The following TOM1L2 variants were observed in gnomAD, a reference collection of about 807,000 sequenced individuals.
TOM1L2 encodes the protein target of myb1 like 2 membrane trafficking protein, also known as TOM1-like protein 2.
Under a neutral mutation model 67.9 loss-of-function variants are expected in TOM1L2, and 31 were observed. That is an observed-to-expected ratio of 0.46 (90% CI 0.34 to 0.62). The LOEUF (loss-of-function observed/expected upper bound fraction) is 0.62. Among genes scored for constraint, TOM1L2 ranks in the 20% least tolerant of loss-of-function variants. TOM1L2 has a pLI of 0.01. For synonymous variants in TOM1L2, 256 were observed against 254.0 expected (o/e 1.01, Z -0.07); for missense variants, 606 against 663.5 (o/e 0.91, Z 0.95).
intron 6 of TOM1L2, among the ~76,000 whole-genome samples, chr17:17,881,127 T>G (rs1307856221): frequency 6.6e-6 from 1 of 152,182 alleles, no homozygotes; most frequent in Non-Finnish European, 1.5e-5. Context: ...GAGACCTCAA[T>G]CAATGGTCTA....
chr17:17,874,062 T>C (rs537631598), intron 7 of TOM1L2, among the ~76,000 whole-genome samples: 1 of 151,910 alleles, frequency 6.6e-6, no homozygotes, highest in Admixed American at 6.5e-5. Context: ...TTCATGACAT[T>C]CTCCTGCCTC....
chr17:17,971,778 T>G (rs765161676), intron 1 of TOM1L2, among the ~76,000 whole-genome samples: 1 of 152,204 alleles, frequency 6.6e-6, no homozygotes, highest in African/African-American at 2.4e-5. Flanking sequence ...GGCTGAGCCT[T>G]GATGGGCAGG....
intron 12 of TOM1L2, among the ~76,000 whole-genome samples, chr17:17,853,062 T>A (rs1019025701): frequency 3.9e-5 from 6 of 152,042 alleles, no homozygotes; most frequent in African/African-American, 1.5e-4. Context: ...GGCAGTAGGG[T>A]ACACTGCTAC....
chr17:17,930,428 G>C (rs562670225), intron 1 of TOM1L2, among the ~76,000 whole-genome samples: 1 of 152,288 alleles, frequency 6.6e-6, no homozygotes, highest in South Asian at 2.1e-4. Flanking sequence ...GAGGACTGCA[G>C]AGACCCTCAC....
At chr17:17,868,320 G>A (rs1350129503) in intron 8 of TOM1L2, among the ~76,000 whole-genome samples, 2 of 152,234 alleles carry the variant, frequency 1.3e-5, no homozygotes, top group African/African-American at 4.8e-5. Flanking sequence ...CAAAAGATGA[G>A]ACAAGGCCCA....
intron 2 of TOM1L2, among the ~76,000 whole-genome samples, chr17:17,899,208 AAG>A (rs1221861538): frequency 6.6e-6 from 1 of 152,184 alleles, no homozygotes; most frequent in African/African-American, 2.4e-5. Flanking sequence ...GGGTACATAG[AAG>A]AGAGTTTTTC....
At chr17:17,885,748 C>A (rs1052411347) in intron 4 of TOM1L2, among the ~76,000 whole-genome samples, 7 of 151,800 alleles carry the variant, frequency 4.6e-5, no homozygotes, top group Non-Finnish European at 1.0e-4. Context: ...CACAGTGAAA[C>A]CCCATCTCTA....
chr17:17,904,895 GCAT>G (rs972963280), intron 2 of TOM1L2, among the ~76,000 whole-genome samples: 7 of 152,170 alleles, frequency 4.6e-5, no homozygotes, highest in African/African-American at 1.7e-4. Context: ...TGGGACCATG[GCAT>G]CAGGGACAGG....
intron 12 of TOM1L2, 109 bp from the exon 13 acceptor site, chr17:17,851,061 A>C: frequency 2.0e-5 from 24 of 1,199,558 alleles, no homozygotes; most frequent in Middle Eastern, 1.9e-4. Flanking sequence ...TAAAACCAAA[A>C]TGTACACAGA....
intron 1 of TOM1L2, among the ~76,000 whole-genome samples, chr17:17,962,326 T>C (rs78943608): frequency 2.2e-5 from 1 of 45,812 alleles, no homozygotes; most frequent in South Asian, 3.1e-3. Flanking sequence ...TGTTGCATAT[T>C]TTTTTTTTTT....
At chr17:17,917,313 G>T (rs768852539) in intron 1 of TOM1L2, among the ~76,000 whole-genome samples, 88 of 151,458 alleles carry the variant, frequency 5.8e-4, no homozygotes, top group Non-Finnish European at 9.7e-4. Flanking sequence ...CAGCCTGGGC[G>T]ACAGAGCAAG....
intron 1 of TOM1L2, among the ~76,000 whole-genome samples, chr17:17,908,110 T>C (rs2039178143): frequency 6.6e-6 from 1 of 152,214 alleles, no homozygotes; most frequent in African/African-American, 2.4e-5. Flanking sequence ...GAAAGGACCA[T>C]TGGTTATCAA....
intron 10 of TOM1L2, 120 bp from the exon 11 acceptor site, chr17:17,862,968 C>T (rs745464991): frequency 7.5e-5 from 16 of 212,568 alleles, no homozygotes; most frequent in Non-Finnish European, 1.0e-4. Flanking sequence ...GAGGGTGGGG[C>T]GGGACTTTCC....
At chr17:17,880,809 C>A (rs1385028861) in intron 6 of TOM1L2, among the ~76,000 whole-genome samples, 1 of 152,238 alleles carries the variant, frequency 6.6e-6, no homozygotes, top group Non-Finnish European at 1.5e-5. Context: ...CTACTACACA[C>A]ATACGGCCCT....
At chr17:17,964,467 C>G (rs770803074) in intron 1 of TOM1L2, among the ~76,000 whole-genome samples, 3 of 152,200 alleles carry the variant, frequency 2.0e-5, no homozygotes, top group African/African-American at 4.8e-5. Flanking sequence ...GAGTGAAATA[C>G]AAAAGTATTC....
At chr17:17,912,340 C>T (rs2039410205) in intron 1 of TOM1L2, among the ~76,000 whole-genome samples, 1 of 151,786 alleles carries the variant, frequency 6.6e-6, no homozygotes, top group African/African-American at 2.4e-5. Context: ...ACGCTCCTCA[C>T]TTCCCAGACG....
intron 1 of TOM1L2, among the ~76,000 whole-genome samples, chr17:17,926,983 T>C (rs1568299314): frequency 6.6e-6 from 1 of 152,200 alleles, no homozygotes; most frequent in Non-Finnish European, 1.5e-5. Context: ...CACACACAGG[T>C]TGTGTAACTT....
intron 1 of TOM1L2, among the ~76,000 whole-genome samples, chr17:17,912,685 G>A (rs932001730): frequency 1.3e-5 from 2 of 149,486 alleles, no homozygotes; most frequent in South Asian, 2.1e-4. Context: ...GGACGGAGAC[G>A]CTCCTCACTT....
chr17:17,873,732 C>G (rs2037272079), intron 7 of TOM1L2, among the ~76,000 whole-genome samples: 1 of 152,206 alleles, frequency 6.6e-6, no homozygotes, highest in South Asian at 2.1e-4. Context: ...CTCTCCAAGT[C>G]TCCAGTCCTC....
Sources: allele counts gnomAD v4.1 joint callset (sites outside exome capture counted in the v4.1 genomes callset), GRCh38; gene constraint gnomAD v4.1.1; transcripts MANE v1.5; gene names NCBI Gene and HGNC (gene_info 2026-07-23, HGNC 2026-07-21).